The following PPARGC1B variants were observed in gnomAD, a reference collection of about 807,000 sequenced individuals.
PPARGC1B encodes peroxisome proliferator-activated receptor gamma coactivator 1-beta.
Under a neutral mutation model 101.6 loss-of-function variants are expected in PPARGC1B, and 34 were observed. That is an observed-to-expected ratio of 0.33 (90% CI 0.25 to 0.45). The LOEUF (loss-of-function observed/expected upper bound fraction) is 0.45. Ranked by LOEUF, PPARGC1B falls within the 20% of genes least tolerant of loss-of-function variation. The pLI, the probability that PPARGC1B is intolerant of heterozygous loss-of-function variation, is 1.00. For missense variants in PPARGC1B, 1,234 were observed against 1,317.6 expected, an observed-to-expected ratio of 0.94 and a Z score of 0.98; for synonymous variants, 548 against 539.3, an observed-to-expected ratio of 1.02 and a Z score of -0.22.
intron 1 of PPARGC1B, among the ~76,000 whole-genome samples, chr5:149,738,672 G>A (rs1332631132): frequency 6.6e-6 from 1 of 151,392 alleles, no homozygotes; most frequent in Non-Finnish European, 1.5e-5. Context: ...GTGCAATCTC[G>A]GCTCACTGCA....
At position 149,820,461 on chromosome 5, in the gene PPARGC1B, A is replaced by C. The variant is rs1758243695; in HGVS notation, c.107A>C (p.Tyr36Ser). 1 of 1,613,864 alleles carries C rather than the reference A, an allele frequency of 6.2e-7. No individual in the cohort carries two copies. Among genetic ancestry groups the C allele is most frequent in the African/African-American group, 1.3e-5 (1 of 74,888 alleles). ...GGAGGGTCCGGGGAGGAGCAACTCT[A>C]TGCTGACTTTCCAGAACTTGACCTC... is the stretch of plus-strand genomic sequence containing the variant. ...QGGGSGEEQL[Y>S]ADFPELDLSQ... is the part of the protein sequence containing the mutation. Residue 36 changes from tyrosine to serine, a missense_variant, in exon 2 of 12, where the codon TAT (tyrosine) becomes TCT (serine). By Grantham distance (144) the Tyr-to-Ser change is moderately radical. Transcript: ENST00000309241.
intron 1 of PPARGC1B, among the ~76,000 whole-genome samples, chr5:149,767,312 T>C (rs1300198570): frequency 6.6e-6 from 1 of 152,216 alleles, no homozygotes; most frequent in South Asian, 2.1e-4. Context: ...CTATGAGATA[T>C]GGTCTGGGAG....
chr5:149,830,902 C>T lies in PPARGC1B; in HGVS notation c.582+19C>T. ...TGTTAAGGTATTTCTTCACATGCCC[C>T]CAAATCTACCCCAGGTGTCTGTTGG... On this transcript the variant is annotated intron_variant, in intron 4 of 11. Transcript: ENST00000309241. The T allele has an allele frequency of 2.0e-6, 3 of 1,531,804 alleles. No individual in the cohort carries two copies. The highest frequency in any genetic ancestry group is 2.7e-6 in the Non-Finnish European group (3 of 1,104,926). 94.9% of individuals were successfully genotyped at this position (1,531,804 alleles called of 1,614,324 possible).
intron 1 of PPARGC1B, among the ~76,000 whole-genome samples, chr5:149,814,016 A>C (rs1311950556): frequency 6.6e-6 from 1 of 152,162 alleles, no homozygotes; most frequent in Non-Finnish European, 1.5e-5. Flanking sequence ...ATTTCAACAT[A>C]AATTTGCGGG....
In PPARGC1B at chr5:149,836,849, C is replaced by T; in HGVS notation, c.2394C>T (p.Ser798=). Residue 798 remains serine (S), a synonymous_variant, in exon 8 of 12, where the codon AGC becomes AGT. Coordinates refer to ENST00000309241, the MANE Select transcript of PPARGC1B (RefSeq NM_133263.4). ...YDTVFEDSSS[S]SGESSFLPEE... Reference sequence around the variant, plus strand: ...CTGTCTTTGAAGACAGCAGCAGCAGCAGCGGCGAGAGCAGCTTCCTCCCAG... The same window carrying T: ...CTGTCTTTGAAGACAGCAGCAGCAGTAGCGGCGAGAGCAGCTTCCTCCCAG... The T allele has an allele frequency of 6.2e-7, 1 of 1,613,142 alleles. No homozygotes were observed.
chr5:149,743,393 T>C lies in PPARGC1B; in HGVS notation c.78+12973T>C, dbSNP rs367571237. On this transcript the variant is annotated intron_variant, in intron 1 of 11. Transcript: ENST00000309241. The stretch of plus-strand genomic sequence containing the variant: ...CTGGTCTCGAACTCGTGACCTCAGG[T>C]GATTGCCTGCTTTGGCCTCCCAAAG... Among the ~76,000 whole-genome samples the C allele has an allele frequency of 2.6e-4, 39 of 152,126 alleles. No individual in the cohort carries two copies. In the East Asian group the frequency reaches 7.2e-3, roughly 28 times the overall value.
chr5:149,798,203 C>T (rs1190897052), intron 1 of PPARGC1B, among the ~76,000 whole-genome samples: 1 of 152,224 alleles, frequency 6.6e-6, no homozygotes, highest in Non-Finnish European at 1.5e-5. Context: ...GAACAGTCCA[C>T]CATTGCCTCC....
intron 1 of PPARGC1B, among the ~76,000 whole-genome samples, chr5:149,799,455 C>T (rs1430472132): frequency 6.6e-6 from 1 of 152,106 alleles, no homozygotes; most frequent in African/African-American, 2.4e-5. Context: ...CACCAGGGCT[C>T]TCATGCCCTT....
chr5:149,765,730 G>C (rs1165028303), intron 1 of PPARGC1B, among the ~76,000 whole-genome samples: 2 of 152,004 alleles, frequency 1.3e-5, no homozygotes, highest in African/African-American at 4.8e-5. Context: ...GCGTGGTGGC[G>C]GGTGCCTGTA....
rs139035394 is a variant in PPARGC1B, at chr5:149,809,612, C to T, written c.79-10821C>T. Among the ~76,000 whole-genome samples, 82 of 148,430 alleles carry T rather than the reference C, an allele frequency of 5.5e-4. No homozygotes were observed. The East Asian group carries it at 0.013, about 24-fold the overall frequency. ...CTGAGGCGGGAGGATTGCTTGAGCCCGGGAATTCAAGGCTGCAATCAGCCA... is the reference window on the plus strand; with the variant it reads ...CTGAGGCGGGAGGATTGCTTGAGCCTGGGAATTCAAGGCTGCAATCAGCCA... On this transcript the variant is annotated intron_variant, in intron 1 of 11. Coordinates refer to ENST00000309241, the MANE Select transcript of PPARGC1B (RefSeq NM_133263.4).
chr5:149,798,015 C>T (rs1463273483), intron 1 of PPARGC1B, among the ~76,000 whole-genome samples: 1 of 152,014 alleles, frequency 6.6e-6, no homozygotes, highest in African/African-American at 2.4e-5. Context: ...TCAGAGGGAC[C>T]CATGGCTCAA....
intron 1 of PPARGC1B, among the ~76,000 whole-genome samples, chr5:149,740,866 T>A (rs867687420): frequency 6.6e-6 from 1 of 152,172 alleles, no homozygotes; most frequent in Non-Finnish European, 1.5e-5. Context: ...ACGACAATGA[T>A]GTAAAAATAT....
chr5:149,815,051 T>C (rs1218390944), intron 1 of PPARGC1B, among the ~76,000 whole-genome samples: 1 of 152,212 alleles, frequency 6.6e-6, no homozygotes, highest in Admixed American at 6.5e-5. Flanking sequence ...GAATGAATGG[T>C]CTTGAATGTT....
chr5:149,755,250 A>G, intron 1 of PPARGC1B, among the ~76,000 whole-genome samples: 1 of 151,486 alleles, frequency 6.6e-6, no homozygotes, highest in Non-Finnish European at 1.5e-5. Context: ...TTTTTAAGAG[A>G]CAGAGCTTTA....
At chr5:149,846,223 C>T (rs1271624481) in intron 11 of PPARGC1B, 7 of 560,412 alleles carry the variant, frequency 1.2e-5, no homozygotes, top group Admixed American at 6.4e-5. Context: ...GTCTCCTTGA[C>T]TTCACAGGGC....
intron 1 of PPARGC1B, among the ~76,000 whole-genome samples, chr5:149,754,171 A>AG (rs1561853567): frequency 1.3e-5 from 2 of 152,164 alleles, no homozygotes; most frequent in African/African-American, 4.8e-5. Context: ...GTTTTAATTC[A>AG]TAGTCCTTTT....
intron 1 of PPARGC1B, among the ~76,000 whole-genome samples, chr5:149,753,936 C>T (rs1282029234): frequency 1.3e-5 from 2 of 152,156 alleles, no homozygotes; most frequent in Non-Finnish European, 2.9e-5. Context: ...TCAGGTGATC[C>T]GCCTACCTCG....
rs564748048 is a variant in PPARGC1B at position 149,831,804 on chromosome 5, T to TG, written c.583-850dup. ...GCGGGGCGAATAAGACTGGAGAGGTTGGCTGGTGCGAGTGCAGAGGACCTC... is the reference window on the plus strand; with the variant it reads ...GCGGGGCGAATAAGACTGGAGAGGTTGGGCTGGTGCGAGTGCAGAGGACCTC... On this transcript the variant is annotated intron_variant, in intron 4 of 11. Transcript: ENST00000309241. Among the ~76,000 whole-genome samples the TG allele has an allele frequency of 7.9e-5, 12 of 152,328 alleles. No individual in the cohort carries two copies. In the South Asian group the frequency reaches 1.9e-3, roughly 24 times the overall value.
intron 1 of PPARGC1B, among the ~76,000 whole-genome samples, chr5:149,810,874 G>T (rs921891773): frequency 2.0e-5 from 3 of 152,080 alleles, no homozygotes; most frequent in Non-Finnish European, 4.4e-5. Flanking sequence ...TGTTACTCCA[G>T]ACCCTTCCGG....
Sources: allele counts gnomAD v4.1 joint callset (sites outside exome capture counted in the v4.1 genomes callset), GRCh38; gene constraint gnomAD v4.1.1; transcripts MANE v1.5; gene names NCBI Gene and HGNC (gene_info 2026-07-23, HGNC 2026-07-21).